SANBR: variants seen among roughly 807,000 people sequenced by gnomAD.
SANBR encodes SANT and BTB domain regulator of class switch recombination.
A neutral mutation model predicts 101.8 loss-of-function variants in SANBR; 77 were observed. The ratio of observed to expected loss-of-function variants is 0.76; its 90% CI spans 0.63 to 0.91. The LOEUF is 0.91. Ranked by LOEUF, SANBR falls within the 40% of genes least tolerant of loss-of-function variation. The pLI, the probability that SANBR is intolerant of heterozygous loss-of-function variation, is 0.00. For synonymous variants in SANBR, 279 were observed against 274.7 expected (o/e 1.02, Z -0.15); for missense variants, 875 against 853.0 (o/e 1.03, Z -0.32).
rs1369306978 is a variant in SANBR, at chr2:61,076,935, C to G, written c.447C>G (p.Ile149Met). The change falls in exon 6 of 22, where the codon ATC becomes ATG. Residue 149 changes from isoleucine (I) to methionine (M), a missense_variant. Coordinates refer to ENST00000402291, the MANE Select transcript of SANBR (RefSeq NM_001129993.3). Reference protein sequence around the residue: ...TEESEGPNMVIHVCDEAKNLK... With the variant: ...TEESEGPNMVMHVCDEAKNLK... ...TTTTATGAAGGCCAAACATGGTGATCCATGTGTGTGATGAAGCAAAAAACT... is the reference window on the plus strand; with the variant it reads ...TTTTATGAAGGCCAAACATGGTGATGCATGTGTGTGATGAAGCAAAAAACT... The G allele has an allele frequency of 9.9e-6, 16 of 1,612,898 alleles. No homozygotes were observed. The highest frequency in any genetic ancestry group is 1.4e-5 in the Non-Finnish European group (16 of 1,179,106).
chr2:61,087,770 G>A (rs1682516390), intron 8 of SANBR, among the ~76,000 whole-genome samples: 2 of 151,930 alleles, frequency 1.3e-5, no homozygotes, highest in South Asian at 2.1e-4. Context: ...ATAATCGCTT[G>A]AACCCGGAAG....
chr2:61,133,826 T>C (rs1395263505), intron 20 of SANBR, among the ~76,000 whole-genome samples: 1 of 152,028 alleles, frequency 6.6e-6, no homozygotes, highest in African/African-American at 2.4e-5. Flanking sequence ...GGTTACAGAG[T>C]TTCTCTTTGA....
At chr2:61,079,087 A>C (rs1361313839) in intron 6 of SANBR, among the ~76,000 whole-genome samples, 1 of 152,146 alleles carries the variant, frequency 6.6e-6, no homozygotes, top group Non-Finnish European at 1.5e-5. Context: ...ATATGTTAAC[A>C]TGTAAATAGG....
chr2:61,067,616 G>A (rs1377008545), intron 1 of SANBR, among the ~76,000 whole-genome samples: 1 of 151,968 alleles, frequency 6.6e-6, no homozygotes, highest in Admixed American at 6.6e-5. Flanking sequence ...CGTGCCTGTA[G>A]TCCCAGCTAC....
chr2:61,132,390 C>T (rs1684715123), intron 20 of SANBR, among the ~76,000 whole-genome samples: 1 of 152,108 alleles, frequency 6.6e-6, no homozygotes, highest in South Asian at 2.1e-4. Context: ...AGAAGATATA[C>T]AAATGGTCAG....
At chr2:61,115,344 A>AT (rs749227062) in intron 16 of SANBR, among the ~76,000 whole-genome samples, 4,063 of 97,756 alleles carry the variant, frequency 0.042, 89 homozygotes, top group African/African-American at 0.11. Context: ...ATATATATAT[A>AT]TATTTTTTTT....
intron 16 of SANBR, among the ~76,000 whole-genome samples, chr2:61,113,418 A>T (rs1683929051): frequency 6.6e-6 from 1 of 152,018 alleles, no homozygotes; most frequent in African/African-American, 2.4e-5. Flanking sequence ...ATTTGGGGTG[A>T]ATTCCTTTTT....
At chr2:61,093,769 A>T (rs903618625) in intron 11 of SANBR, among the ~76,000 whole-genome samples, 7 of 152,178 alleles carry the variant, frequency 4.6e-5, no homozygotes, top group African/African-American at 1.4e-4. Flanking sequence ...GATGCTATTG[A>T]TATGTGCCTT....
Position 61,088,460 on chromosome 2 carries a change from T to C in SANBR, c.1080T>C (p.Ile360=). 6.3e-7 allele frequency: 1 copy of C among 1,595,728 alleles called. No homozygotes were observed. The highest frequency in any genetic ancestry group is 8.6e-7 in the Non-Finnish European group (1 of 1,167,462). Residue 360 remains isoleucine (I), a synonymous_variant, in exon 10 of 22, where the codon ATT becomes ATC. Transcript: ENST00000402291. Reference sequence around the variant, plus strand: ...ATCGACGTGGAAATATTGTCTATATTCACATAAGGTGTCGTGAAGATAAAA... The same window carrying C: ...ATCGACGTGGAAATATTGTCTATATCCACATAAGGTGTCGTGAAGATAAAA... ...NVDRRGNIVY[I]HIRDKTWDVH...
chr2:61,117,261 C>T (rs915685101), intron 17 of SANBR, 96 bp from the exon 18 acceptor site: 4 of 1,154,208 alleles, frequency 3.5e-6, no homozygotes, highest in Non-Finnish European at 3.9e-6. Context: ...ACAGTGTCTT[C>T]ACACTCAGTA....
chr2:61,117,522 G>T lies in SANBR; in HGVS notation c.1921G>T (p.Asp641Tyr), dbSNP rs1209431557. Residue 641 changes from aspartate to tyrosine, a missense_variant, in exon 19 of 22, where the codon GAT (aspartate) becomes TAT (tyrosine). Coordinates refer to ENST00000402291, the MANE Select transcript of SANBR (RefSeq NM_001129993.3). ...DATRSLRFNQ[D>Y]AQREDDQRRM... ...CACAAGATCCTTGAGATTCAACCAG[G>T]ATGCACAAAGAGAAGACGGTAAATT... The T allele has an allele frequency of 3.1e-6, 5 of 1,613,372 alleles. No individual in the cohort carries two copies. Among genetic ancestry groups the T allele is most frequent in the Non-Finnish European group, 4.2e-6 (5 of 1,179,500 alleles).
At chr2:61,113,260 G>A (rs2104953476) in intron 16 of SANBR, among the ~76,000 whole-genome samples, 1 of 152,318 alleles carries the variant, frequency 6.6e-6, no homozygotes, top group African/African-American at 2.4e-5. Flanking sequence ...ACCTGGTGGT[G>A]TGAGTCCTCC....
rs945817361 is a variant in SANBR, at chr2:61,123,793, C to A, written c.*1631C>A. Reference sequence around the variant, plus strand: ...AACCAGAGTTTATCAGAATTTGATTCTCTTCAGAATGCTTTTGGCCAGGTG... The same window carrying A: ...AACCAGAGTTTATCAGAATTTGATTATCTTCAGAATGCTTTTGGCCAGGTG... On this transcript the variant is annotated 3_prime_UTR_variant, in exon 22 of 22. Transcript: ENST00000402291. 16 of 985,382 alleles carry A rather than the reference C, an allele frequency of 1.6e-5. No homozygotes were observed. Among genetic ancestry groups the A allele is most frequent in the African/African-American group, 3.5e-5 (2 of 57,248 alleles). 61.0% of individuals were successfully genotyped at this position (985,382 alleles called of 1,614,324 possible).
rs1681823004 is a variant in SANBR, at chr2:61,077,013, C to T, written c.525C>T (p.Tyr175=). The change falls in exon 6 of 22, where the codon TAC becomes TAT. Residue 175 remains tyrosine (Y), a synonymous_variant. Coordinates refer to ENST00000402291, the MANE Select transcript of SANBR (RefSeq NM_001129993.3). ...PRDLLISEMK[Y]FAEYLSMDAQ... The stretch of plus-strand genomic sequence containing the variant: ...ATCTTTTGATATCAGAAATGAAGTA[C>T]TTTGCTGAATATTTATCTATGGATG... 4.3e-6 allele frequency: 7 copies of T among 1,614,108 alleles called. No homozygotes were observed. The highest frequency in any genetic ancestry group is 4.2e-6 in the Non-Finnish European group (5 of 1,180,012).
In SANBR at chr2:61,122,339, T is replaced by A; in HGVS notation, c.*177T>A. 8.0e-7 allele frequency: 1 copy of A among 1,247,740 alleles called. No homozygotes were observed. Among genetic ancestry groups the A allele is most frequent in the Non-Finnish European group, 1.0e-6 (1 of 969,656 alleles). 77.3% of individuals were successfully genotyped at this position (1,247,740 alleles called of 1,614,324 possible). ...TAGTTAGGTTTTATGAAAATCTAATTGTAAATATGAAACTTTTTAAATCTG... is the reference window on the plus strand; with the variant it reads ...TAGTTAGGTTTTATGAAAATCTAATAGTAAATATGAAACTTTTTAAATCTG... On this transcript the variant is annotated 3_prime_UTR_variant, in exon 22 of 22. Transcript: ENST00000402291.
At chr2:61,127,761 T>C (rs774929580), downstream of SANBR, among the ~76,000 whole-genome samples, 2 of 152,052 alleles carry the variant, frequency 1.3e-5, no homozygotes, top group Non-Finnish European at 2.9e-5. Context: ...CTAACATACA[T>C]CTAATGGAAG....
At chr2:61,124,564 G>A (rs142540228), downstream of SANBR, among the ~76,000 whole-genome samples, 155 of 152,156 alleles carry the variant, frequency 1.0e-3, no homozygotes, top group African/African-American at 3.6e-3. Context: ...AAATTAACCT[G>A]GCATGGTGGC....
intron 7 of SANBR, 89 bp from the exon 8 acceptor site, chr2:61,083,065 C>G (rs1157788832): frequency 2.5e-5 from 27 of 1,080,722 alleles, no homozygotes; most frequent in Non-Finnish European, 3.1e-5. Flanking sequence ...ATGGATTAGA[C>G]TTTTAATGAA....
intron 12 of SANBR, among the ~76,000 whole-genome samples, chr2:61,101,963 C>T (rs367991561): frequency 1.3e-3 from 194 of 151,230 alleles, no homozygotes; most frequent in African/African-American, 4.3e-3. Flanking sequence ...ATCCAGGAGG[C>T]GGAGGTTGCA....
Sources: allele counts gnomAD v4.1 joint callset (sites outside exome capture counted in the v4.1 genomes callset), GRCh38; gene constraint gnomAD v4.1.1; transcripts MANE v1.5; gene names NCBI Gene and HGNC (gene_info 2026-07-23, HGNC 2026-07-21).